FAM98A: variants seen among roughly 807,000 people sequenced by gnomAD.
FAM98A encodes tRNA splicing ligase complex subunit 3A.
A neutral mutation model predicts 62.9 loss-of-function variants in FAM98A; 25 were observed. That is an observed-to-expected ratio of 0.40 (90% CI 0.29 to 0.56). The LOEUF (loss-of-function observed/expected upper bound fraction) is 0.56, where lower values mean the gene tolerates loss of function less well. Ranked by LOEUF, FAM98A falls within the 20% of genes least tolerant of loss-of-function variation. The pLI is 0.51. For missense variants in FAM98A, 653 were observed against 640.7 expected (o/e 1.02, Z -0.21); for synonymous variants, 252 against 228.6 (o/e 1.10, Z -0.92).
chr2:33,591,260 A>G (rs1284401703), intron 3 of FAM98A, among the ~76,000 whole-genome samples: 1 of 152,066 alleles, frequency 6.6e-6, no homozygotes, highest in East Asian at 1.9e-4. Context: ...ACCATAATAG[A>G]GTTGTAAAAA....
At chr2:33,599,111 G>A in intron 1 of FAM98A, 58 bp downstream of exon 1, 1 of 1,416,382 alleles carries the variant, frequency 7.1e-7, no homozygotes, top group Non-Finnish European at 1.0e-6. Flanking sequence ...GGCGCAGGAG[G>A]TGTTCCCAGG....
Position 33,586,558 on chromosome 2 carries a change from G to A in FAM98A, c.720+4C>T. On this transcript the variant is annotated splice_donor_region_variant and intron_variant, in intron 6 of 7. Transcript: ENST00000238823. Reference sequence around the variant, plus strand: ...TCTGCTCTTTTAAATTATTTAATGTGTACCTTAGCTCTGTCAGACCAGCCA... The same window carrying A: ...TCTGCTCTTTTAAATTATTTAATGTATACCTTAGCTCTGTCAGACCAGCCA... 1.3e-6 allele frequency: 2 copies of A among 1,552,108 alleles called. No individual in the cohort carries two copies. The highest frequency in any genetic ancestry group is 8.9e-7 in the Non-Finnish European group (1 of 1,123,702).
chr2:33,584,789 T>C lies in FAM98A; in HGVS notation c.1544A>G (p.His515Arg), dbSNP rs747549506. ...YNHSGFGQGR[H>R]YTS Reference sequence around the variant, plus strand: ...GGTTCGGTAGCCTCAACTAGTGTAATGTCTTCCCTGTCCAAATCCAGAATG... The same window carrying C: ...GGTTCGGTAGCCTCAACTAGTGTAACGTCTTCCCTGTCCAAATCCAGAATG... Residue 515 changes from histidine (H) to arginine (R), a missense_variant, in exon 8 of 8, where the codon CAT becomes CGT. Transcript: ENST00000238823. The C allele has an allele frequency of 1.7e-5, 28 of 1,600,566 alleles. No individual in the cohort carries two copies. Among genetic ancestry groups the C allele is most frequent in the African/African-American group, 5.4e-5 (4 of 74,700 alleles).
At chr2:33,586,014 C>T (rs1026658396) in intron 6 of FAM98A, among the ~76,000 whole-genome samples, 1 of 152,166 alleles carries the variant, frequency 6.6e-6, no homozygotes, top group African/African-American at 2.4e-5. Flanking sequence ...ATCAAACATA[C>T]TCATTTTCTC....
At chr2:33,598,086 C>T (rs1677855078) in intron 1 of FAM98A, among the ~76,000 whole-genome samples, 1 of 152,144 alleles carries the variant, frequency 6.6e-6, no homozygotes, top group African/African-American at 2.4e-5. Context: ...TTCACTGTGA[C>T]AAAGACAGAT....
At chr2:33,588,565 TATAGTC>T (rs776029943) in intron 3 of FAM98A, 46 bp from the exon 4 acceptor site, 30 of 1,529,230 alleles carry the variant, frequency 2.0e-5, no homozygotes, top group Admixed American at 5.2e-5. Context: ...CAGCTATAGT[TATAGTC>T]ATAAGTCTGG....
intron 4 of FAM98A, 105 bp from the exon 5 acceptor site, chr2:33,587,425 G>A (rs765671464): frequency 1.2e-6 from 1 of 860,762 alleles, no homozygotes; most frequent in Non-Finnish European, 1.9e-6. Flanking sequence ...TCCTGACAGA[G>A]GCAAAGGTGG....
chr2:33,599,030 G>C, intron 1 of FAM98A, 139 bp downstream of exon 1: 3 of 750,060 alleles, frequency 4.0e-6, no homozygotes, highest in Non-Finnish European at 4.8e-6. Flanking sequence ...CATTGGGGGT[G>C]CCGGGGCCAA....
Position 33,592,084 on chromosome 2 carries a change from C to A in FAM98A, c.333G>T (p.Leu111Phe), listed in dbSNP as rs765594708. 2 of 1,612,436 alleles carry A rather than the reference C, an allele frequency of 1.2e-6. No individual in the cohort carries two copies. Among genetic ancestry groups the A allele is most frequent in the South Asian group, 1.1e-5 (1 of 90,808 alleles). ...TTCTAGTAGCCATGAACTTACTGAG[C>A]AAGAGGAGGCAGTTCTTCTGAATGA... ...RLLIQKNCLL[L>F]LTYLISELEA... is the part of the protein sequence containing the mutation. The change falls in exon 3 of 8, where the codon TTG (leucine) becomes TTT (phenylalanine). Residue 111 changes from leucine to phenylalanine, a missense_variant. Coordinates refer to ENST00000238823, the MANE Select transcript of FAM98A (RefSeq NM_015475.5).
At chr2:33,596,069 G>C (rs1295463533) in intron 1 of FAM98A, among the ~76,000 whole-genome samples, 1 of 152,104 alleles carries the variant, frequency 6.6e-6, no homozygotes, top group Non-Finnish European at 1.5e-5. Context: ...AAAACAACTA[G>C]ATTATGTTTT....
At chr2:33,599,122 G>C (rs768938990) in intron 1 of FAM98A, 47 bp downstream of exon 1, 14 of 1,536,198 alleles carry the variant, frequency 9.1e-6, no homozygotes, top group Non-Finnish European at 1.2e-5. Context: ...TGTTCCCAGG[G>C]GGCCGGCAGC....
rs374929856 is a variant in FAM98A, at chr2:33,585,970, C to T, written c.721-273G>A. On this transcript the variant is annotated intron_variant, in intron 6 of 7. Coordinates refer to ENST00000238823, the MANE Select transcript of FAM98A (RefSeq NM_015475.5). ...TGCCCCTTTAGGGTTATGAGGCCAA[C>T]GTGATAAAAAGGTTCCCCCATCATT... Among the ~76,000 whole-genome samples, 14 of 152,214 alleles carry T rather than the reference C, an allele frequency of 9.2e-5. 1 individual carries two copies. The South Asian group carries it at 2.3e-3, about 25-fold the overall frequency.
intron 1 of FAM98A, among the ~76,000 whole-genome samples, chr2:33,596,210 G>C (rs1677807672): frequency 6.6e-6 from 1 of 151,954 alleles, no homozygotes; most frequent in Non-Finnish European, 1.5e-5. Context: ...GGCTTAGTTA[G>C]GTTTTTAATG....
intron 2 of FAM98A, 105 bp from the exon 3 acceptor site, chr2:33,592,319 G>C (rs1362913286): frequency 3.1e-6 from 3 of 957,490 alleles, no homozygotes; most frequent in African/African-American, 1.7e-5. Context: ...TTCATAACTT[G>C]AGTTTTTTCC....
chr2:33,588,723 A>G lies in FAM98A; in HGVS notation c.338-204T>C, dbSNP rs189737024. 173 of 361,178 alleles carry G rather than the reference A, an allele frequency of 4.8e-4. 5 individuals are homozygous for G. The highest frequency in any genetic ancestry group is 4.3e-3 in the East Asian group (103 of 24,128). The allele number at this position is 361,178 out of a possible 1,614,324, so 22.4% of individuals were successfully genotyped here. On this transcript the variant is annotated intron_variant, in intron 3 of 7. Transcript: ENST00000238823. ...AATTCAGTTATTTAAGCGATATATA[A>G]TGTTTAAATGTTAATTTTAAAATAA...
chr2:33,591,986 A>C (rs986439457), intron 3 of FAM98A, 94 bp downstream of exon 3: 1 of 1,119,156 alleles, frequency 8.9e-7, no homozygotes, highest in Non-Finnish European at 1.3e-6. Context: ...TACATTCATA[A>C]TGAAATAAAC....
intron 2 of FAM98A, among the ~76,000 whole-genome samples, chr2:33,592,674 A>G (rs1677698122): frequency 6.6e-6 from 1 of 152,180 alleles, no homozygotes; most frequent in Non-Finnish European, 1.5e-5. Context: ...CTCCCAATCT[A>G]AAATTTTCTT....
In FAM98A at chr2:33,597,928, G is replaced by C. The variant is rs1677850315; in HGVS notation, c.53+1241C>G. Among the ~76,000 whole-genome samples the C allele has an allele frequency of 2.0e-5, 3 of 152,178 alleles. No individual in the cohort carries two copies. In the South Asian group the frequency reaches 6.2e-4, roughly 32 times the overall value. On this transcript the variant is annotated intron_variant, in intron 1 of 7. Transcript: ENST00000238823. Reference sequence around the variant, plus strand: ...CTAATGAATGAATGGTTTCATGTGTGAACAAGCGATTCAGTCTGAGATGTC... The same window carrying C: ...CTAATGAATGAATGGTTTCATGTGTCAACAAGCGATTCAGTCTGAGATGTC...
chr2:33,583,692 TCACACAAAG>T lies in FAM98A; in HGVS notation c.*1075_*1083del. On this transcript the variant is annotated 3_prime_UTR_variant, in exon 8 of 8. Transcript: ENST00000238823. ...TAACAGATACTTTATTGCTCACCTT[TCACACAAAG>T]CACACCTCCAGCCATTTTCTTTCAC... 1 of 152,672 alleles carries T rather than the reference TCACACAAAG, an allele frequency of 6.5e-6. No homozygotes were observed. The highest frequency in any genetic ancestry group is 3.2e-3 in the Middle Eastern group (1 of 316). 9.5% of individuals were successfully genotyped at this position (152,672 alleles called of 1,614,324 possible). A position where few individuals can be genotyped will look rare whatever the true frequency, so the allele number is the denominator to read the frequency against.
Sources: allele counts gnomAD v4.1 joint callset (sites outside exome capture counted in the v4.1 genomes callset), GRCh38; gene constraint gnomAD v4.1.1; transcripts MANE v1.5; gene names NCBI Gene and HGNC (gene_info 2026-07-23, HGNC 2026-07-21).